Variants in LMNB2 observed in about 807,000 individuals in gnomAD.
The protein encoded by LMNB2 is lamin B2.
A neutral mutation model predicts 69.3 loss-of-function variants in LMNB2; 17 were observed. That is an observed-to-expected ratio of 0.25 (90% CI 0.17 to 0.37). The LOEUF is 0.37. LMNB2 is among the 10% of genes least tolerant of loss of function. LMNB2 has a pLI of 1.00. For missense variants in LMNB2, 789 were observed against 883.6 expected, an observed-to-expected ratio of 0.89 and a Z score of 1.36; for synonymous variants, 397 against 389.3, an observed-to-expected ratio of 1.02 and a Z score of -0.23.
Position 2,443,417 on chromosome 19 carries a change from C to T in LMNB2, c.401+987G>A, listed in dbSNP as rs765713532. 6.6e-5 allele frequency among the ~76,000 whole-genome samples: 10 copies of T among 152,200 alleles called. No homozygotes were observed. The highest frequency in any genetic ancestry group is 1.3e-4 in the Non-Finnish European group (9 of 68,030). On this transcript the variant is annotated intron_variant, in intron 2 of 11. Coordinates refer to ENST00000325327, the MANE Select transcript of LMNB2 (RefSeq NM_032737.4). The surrounding 1 kb of genome is among the most constrained non-coding windows in gnomAD (Gnocchi z 6.2). ...TTGGACACAGGGTCCCCGGTCATTC[C>T]TCTGGCCACACTCCAACTCAGGGAC...
intron 6 of LMNB2, 51 bp downstream of exon 6, chr19:2,434,737 G>A (rs767239710): frequency 1.9e-6 from 3 of 1,570,754 alleles, no homozygotes; most frequent in Non-Finnish European, 2.6e-6. Context: ...CCAGGGCAGG[G>A]CCCAGAAGTT....
chr19:2,438,166 C>T lies in LMNB2; in HGVS notation c.681G>A (p.Glu227=), dbSNP rs771159890. The change falls in exon 4 of 12, where the codon GAG becomes GAA. Residue 227 remains glutamate (E), a synonymous_variant. Transcript: ENST00000325327. ...GGAGGCCAGGCCACTCACTCACCTC[C>T]TCGAACACACTCTTCCGGAAGTCCA... ...EELDFRKSVF[E]EEVRETRRRH... 2 of 1,613,898 alleles carry T rather than the reference C, an allele frequency of 1.2e-6. No individual in the cohort carries two copies. Among genetic ancestry groups the T allele is most frequent in the South Asian group, 2.2e-5 (2 of 91,088 alleles).
At chr19:2,435,245 A>C in intron 4 of LMNB2, 74 bp from the exon 5 acceptor site, 2 of 1,572,080 alleles carry the variant, frequency 1.3e-6, no homozygotes, top group Non-Finnish European at 8.6e-7. Flanking sequence ...GGGCTCAAAA[A>C]TGTGCCAAGA....
intron 2 of LMNB2, among the ~76,000 whole-genome samples, chr19:2,442,964 G>C (rs1971914909): frequency 6.6e-6 from 1 of 152,200 alleles, no homozygotes; most frequent in Non-Finnish European, 1.5e-5. Flanking sequence ...CCATCTGCAC[G>C]GTGTAGTTCT....
chr19:2,440,437 G>A (rs1337727922), intron 2 of LMNB2, among the ~76,000 whole-genome samples: 1 of 152,000 alleles, frequency 6.6e-6, no homozygotes, highest in Non-Finnish European at 1.5e-5. Flanking sequence ...TGATCTGTCC[G>A]CCTTGGCCTC....
rs1229762333 is a variant in LMNB2, at chr19:2,434,125, G to A, written c.1203-20C>T. 2 of 1,572,784 alleles carry A rather than the reference G, an allele frequency of 1.3e-6. No homozygotes were observed. Among genetic ancestry groups the A allele is most frequent in the African/African-American group, 1.3e-5 (1 of 74,328 alleles). ...TTCAGCCTGTGGGGAAGGCAAGGAA[G>A]GTGGGACTGGTAGTGGGAGCCCCAG... On this transcript the variant is annotated intron_variant, in intron 7 of 11. Transcript: ENST00000325327.
intron 8 of LMNB2, among the ~76,000 whole-genome samples, chr19:2,433,536 A>G (rs371109292): frequency 2.3e-4 from 12 of 51,230 alleles, no homozygotes; most frequent in South Asian, 1.0e-3. Context: ...GCATTGGCCG[A>G]CGGCCCCGTC....
At chr19:2,455,815 C>T (rs1002747959) in intron 1 of LMNB2, among the ~76,000 whole-genome samples, 1 of 152,086 alleles carries the variant, frequency 6.6e-6, no homozygotes, top group Non-Finnish European at 1.5e-5. Flanking sequence ...TCAGGGTCTC[C>T]CCCTGGAGAT....
Position 2,430,271 on chromosome 19 carries a change from C to T in LMNB2, c.*640G>A, listed in dbSNP as rs780844749. On this transcript the variant is annotated 3_prime_UTR_variant, in exon 12 of 12. Coordinates refer to ENST00000325327, the MANE Select transcript of LMNB2 (RefSeq NM_032737.4). ...GAACTGAACTGCGGGAAAACTCCCC[C>T]AAATAAAGTCAACGGTCCGAGAAAC... The T allele has an allele frequency of 2.9e-5, 5 of 174,554 alleles. No individual in the cohort carries two copies. Among genetic ancestry groups the T allele is most frequent in the Non-Finnish European group, 6.2e-5 (5 of 80,556 alleles). The allele number at this position is 174,554 out of a possible 1,614,324, so 10.8% of individuals were successfully genotyped here. A position where few individuals can be genotyped will look rare whatever the true frequency, so the allele number is the denominator to read the frequency against.
rs1297471530 is a variant in LMNB2 at position 2,430,512 on chromosome 19, T to TA, written c.*398dup. On this transcript the variant is annotated 3_prime_UTR_variant, in exon 12 of 12. Transcript: ENST00000325327. The stretch of plus-strand genomic sequence containing the variant: ...CTGAATTTGGTTTTGTAGAAAGCCT[T>TA]AAAAAAACCCACCACCACTGAATTC... 10 of 312,860 alleles carry TA rather than the reference T, an allele frequency of 3.2e-5. No homozygotes were observed. Among genetic ancestry groups the TA allele is most frequent in the South Asian group, 1.1e-4 (4 of 35,356 alleles). 19.4% of individuals were successfully genotyped at this position (312,860 alleles called of 1,614,324 possible).
At chr19:2,439,799 T>C (rs991313462) in intron 2 of LMNB2, among the ~76,000 whole-genome samples, 1 of 151,796 alleles carries the variant, frequency 6.6e-6, no homozygotes, top group Non-Finnish European at 1.5e-5. Context: ...AATGGCGTGA[T>C]CTCGGCTCAC....
intron 9 of LMNB2, 97 bp downstream of exon 9, chr19:2,432,319 T>TCCCCCCCCCC: frequency 4.5e-6 from 4 of 894,710 alleles, no homozygotes; most frequent in South Asian, 2.7e-5. Context: ...GCCACCATCA[T>TCCCCCCCCCC]CCCCACCCAC....
Position 2,456,919 on chromosome 19 carries a change from G to A in LMNB2, c.15C>T (p.Ser5=), listed in dbSNP as rs1599345091. The A allele has an allele frequency of 1.0e-6, 1 of 994,854 alleles. No individual in the cohort carries two copies. The highest frequency in any genetic ancestry group is 1.2e-6 in the Non-Finnish European group (1 of 837,934). The allele number at this position is 994,854 out of a possible 1,614,324, so 61.6% of individuals were successfully genotyped here. Residue 5 remains serine (S), a synonymous_variant, in exon 1 of 12, where the codon AGC becomes AGT. Transcript: ENST00000325327. ...TGCGCTGCTCCCGACGGCGGCCCGGGCTCGGCGGGCTCATTCAATCCGCGC... is the reference window on the plus strand; with the variant it reads ...TGCGCTGCTCCCGACGGCGGCCCGGACTCGGCGGGCTCATTCAATCCGCGC... MSPP[S]PGRRREQRRP...
chr19:2,437,807 G>A (rs201821891), intron 4 of LMNB2, among the ~76,000 whole-genome samples: 6 of 94,494 alleles, frequency 6.3e-5, no homozygotes, highest in African/African-American at 1.6e-4. Context: ...CTCAAAAAAA[G>A]ACGTGCCCAC....
At chr19:2,438,044 C>A in intron 4 of LMNB2, 119 bp downstream of exon 4, 2 of 1,487,370 alleles carry the variant, frequency 1.3e-6, no homozygotes, top group South Asian at 2.3e-5. Context: ...AAGGAGCCTC[C>A]CTAGAGCCGT....
At chr19:2,452,958 T>G (rs1972043929) in intron 1 of LMNB2, among the ~76,000 whole-genome samples, 1 of 117,322 alleles carries the variant, frequency 8.5e-6, no homozygotes, top group Non-Finnish European at 1.7e-5. Flanking sequence ...GGGGGCTGGG[T>G]CATCCTAATG....
chr19:2,431,406 C>CA, intron 11 of LMNB2, 142 bp downstream of exon 11: 1 of 1,074,620 alleles, frequency 9.3e-7, no homozygotes, highest in East Asian at 2.4e-5. Context: ...TGGTAACAGC[C>CA]AAGGCTGGCT....
chr19:2,439,243 G>A (rs914661216), intron 2 of LMNB2, among the ~76,000 whole-genome samples: 3 of 151,790 alleles, frequency 2.0e-5, no homozygotes, highest in Non-Finnish European at 2.9e-5. Flanking sequence ...ACCCCCTCCC[G>A]ACAGGGAACT....
intron 6 of LMNB2, 127 bp downstream of exon 6, chr19:2,434,661 G>T: frequency 6.7e-7 from 1 of 1,498,522 alleles, no homozygotes; most frequent in Non-Finnish European, 8.9e-7. Context: ...GGAGGGAAGG[G>T]GCATCGCTGG....
Sources: allele counts gnomAD v4.1 joint callset (sites outside exome capture counted in the v4.1 genomes callset), GRCh38; gene constraint gnomAD v4.1.1; non-coding constraint Gnocchi (gnomAD v3.1); transcripts MANE v1.5; gene names NCBI Gene and HGNC (gene_info 2026-07-23, HGNC 2026-07-21).